The following SMOC2 variants were observed in gnomAD, a reference collection of about 807,000 sequenced individuals.
The protein encoded by SMOC2 is SPARC-related modular calcium-binding protein 2.
Under a neutral mutation model 61.4 loss-of-function variants are expected in SMOC2, and 39 were observed. That is an observed-to-expected ratio of 0.64 (90% confidence interval 0.49 to 0.83). SMOC2 has a LOEUF of 0.83. SMOC2 is among the 40% of genes least tolerant of loss of function. SMOC2 has a pLI of 0.00. For missense variants in SMOC2, 556 were observed against 592.9 expected (o/e 0.94, Z 0.65); for synonymous variants, 247 against 239.9 (o/e 1.03, Z -0.27).
intron 9 of SMOC2, among the ~76,000 whole-genome samples, chr6:168,625,229 G>A (rs1786372061): frequency 6.6e-6 from 1 of 152,238 alleles, no homozygotes; most frequent in Non-Finnish European, 1.5e-5. Flanking sequence ...ATCTGCTCAG[G>A]CACTGGAGAT....
Position 168,527,698 on chromosome 6 carries a change from C to A in SMOC2, c.434C>A (p.Ala145Asp). The change falls in exon 4 of 13, where the codon GCC (alanine) becomes GAC (aspartate). Residue 145 changes from alanine to aspartate, a missense_variant. Coordinates refer to ENST00000356284, the MANE Select transcript of SMOC2 (RefSeq NM_001166412.2). ...AACGGGAGGCCCATCAGCGGCACTG[C>A]CGTGGCCCACAAGACGCCCCGGTGC... ...TPNGRPISGT[A>D]VAHKTPRCPG... The A allele has an allele frequency of 6.4e-7, 1 of 1,551,904 alleles. No homozygotes were observed. Among genetic ancestry groups the A allele is most frequent in the South Asian group, 1.2e-5 (1 of 84,132 alleles).
intron 1 of SMOC2, among the ~76,000 whole-genome samples, chr6:168,478,807 C>T (rs1324817166): frequency 2.6e-5 from 4 of 151,760 alleles, no homozygotes; most frequent in Admixed American, 1.3e-4. Context: ...GAGTCAGGAA[C>T]GTTGAATGAT....
intron 1 of SMOC2, among the ~76,000 whole-genome samples, chr6:168,445,114 C>T (rs1407594051): frequency 6.6e-6 from 1 of 152,206 alleles, no homozygotes; most frequent in Non-Finnish European, 1.5e-5. Context: ...TTTTGAGAGA[C>T]TCTGAAGGGC....
intron 11 of SMOC2, among the ~76,000 whole-genome samples, chr6:168,662,226 T>G (rs999047800): frequency 1.3e-5 from 2 of 152,208 alleles, no homozygotes; most frequent in Non-Finnish European, 2.9e-5. Flanking sequence ...GTGTGTCTCT[T>G]TAAGGCTTAT....
intron 1 of SMOC2, among the ~76,000 whole-genome samples, chr6:168,447,600 G>T (rs57941640): frequency 4.6e-5 from 7 of 152,124 alleles, no homozygotes; most frequent in Non-Finnish European, 7.4e-5. Flanking sequence ...TTTTTGGGGG[G>T]AAAGGGGTAG....
chr6:168,550,392 C>T (rs533333822), intron 7 of SMOC2, among the ~76,000 whole-genome samples: 1 of 152,282 alleles, frequency 6.6e-6, no homozygotes, highest in Non-Finnish European at 1.5e-5. Flanking sequence ...GTTCGATTCC[C>T]CCTTCACCCA....
intron 1 of SMOC2, among the ~76,000 whole-genome samples, chr6:168,457,352 C>T (rs1285434766): frequency 1.3e-5 from 2 of 152,198 alleles, no homozygotes; most frequent in Non-Finnish European, 2.9e-5. Context: ...GCCACCCATC[C>T]AACCCCACCT....
chr6:168,451,599 GTCTCTCTCTC>G (rs59096709), intron 1 of SMOC2, among the ~76,000 whole-genome samples: 30 of 145,624 alleles, frequency 2.1e-4, no homozygotes, highest in African/African-American at 4.6e-4. Context: ...CTCTGTCTCT[GTCTCTCTCTC>G]TCTCTCTCTC....
chr6:168,555,949 C>A (rs1403044148), intron 7 of SMOC2, among the ~76,000 whole-genome samples: 2 of 152,184 alleles, frequency 1.3e-5, no homozygotes, highest in Non-Finnish European at 2.9e-5. Context: ...CCAGACACCG[C>A]TGGGGGCACT....
intron 1 of SMOC2, among the ~76,000 whole-genome samples, chr6:168,502,736 T>TTTTAA (rs59846215): frequency 0.041 from 6,172 of 149,318 alleles, 178 homozygotes; most frequent in Non-Finnish European, 0.054. Context: ...TTTTATTTTA[T>TTTTAA]TTTAATTTAA....
intron 11 of SMOC2, among the ~76,000 whole-genome samples, chr6:168,659,524 G>GT (rs1383828404): frequency 2.6e-4 from 39 of 148,064 alleles, no homozygotes; most frequent in East Asian, 4.1e-4. Flanking sequence ...GTTGTAGGTT[G>GT]GGTGAGGATG....
intron 7 of SMOC2, among the ~76,000 whole-genome samples, chr6:168,587,443 C>T (rs1785070139): frequency 6.6e-6 from 1 of 152,196 alleles, no homozygotes; most frequent in Admixed American, 6.5e-5. Context: ...ATGTGTGAGA[C>T]ATCAATCAGT....
At chr6:168,460,398 C>T (rs1195548500) in intron 1 of SMOC2, among the ~76,000 whole-genome samples, 1 of 152,204 alleles carries the variant, frequency 6.6e-6, no homozygotes, top group African/African-American at 2.4e-5. Context: ...CAAGACTTTC[C>T]TCACATGACT....
chr6:168,479,094 A>G (rs1432760868), intron 1 of SMOC2, among the ~76,000 whole-genome samples: 1 of 149,060 alleles, frequency 6.7e-6, no homozygotes, highest in Non-Finnish European at 1.5e-5. Flanking sequence ...GTCTCGGGAA[A>G]AGGAGTCAGG....
At chr6:168,457,119 C>T (rs557763105) in intron 1 of SMOC2, among the ~76,000 whole-genome samples, 8 of 152,218 alleles carry the variant, frequency 5.3e-5, no homozygotes, top group African/African-American at 9.7e-5. Context: ...AGGCACAGCG[C>T]GGCCGCCACG....
At chr6:168,575,584 G>C (rs561939768) in intron 7 of SMOC2, among the ~76,000 whole-genome samples, 75 of 152,278 alleles carry the variant, frequency 4.9e-4, no homozygotes, top group Admixed American at 3.5e-3. Flanking sequence ...AAGTTTGAAG[G>C]CGGAGCCATG....
chr6:168,641,972 AAGT>A (rs1218399239), intron 9 of SMOC2, among the ~76,000 whole-genome samples: 1 of 152,220 alleles, frequency 6.6e-6, no homozygotes, highest in African/African-American at 2.4e-5. Context: ...AAATATAGAA[AAGT>A]AGAGTTAATG....
Position 168,549,292 on chromosome 6 carries a change from A to G in SMOC2, c.637+89A>G, listed in dbSNP as rs998140784. 4.8e-5 allele frequency: 60 copies of G among 1,254,526 alleles called. No homozygotes were observed. In the Admixed American group the frequency reaches 8.6e-4, roughly 18 times the overall value. 77.7% of individuals were successfully genotyped at this position (1,254,526 alleles called of 1,614,324 possible). On this transcript the variant is annotated intron_variant, in intron 7 of 12. Coordinates refer to ENST00000356284, the MANE Select transcript of SMOC2 (RefSeq NM_001166412.2). ...TTTTTTTTGGAGTTAAGTGTATTGT[A>G]CAGTTGACCCTTGAACAACATGGGG...
Position 168,610,229 on chromosome 6 carries a change from T to C in SMOC2, c.907+1990T>C, listed in dbSNP as rs553030048. ...CAGGAGGAGAAGGATGGTTAGATGC[T>C]CACAATGAAGACGGCGTTTCCTTGC... On this transcript the variant is annotated intron_variant, in intron 9 of 12. Transcript: ENST00000356284. Among the ~76,000 whole-genome samples the C allele has an allele frequency of 5.9e-5, 9 of 152,268 alleles. No individual in the cohort carries two copies. In the South Asian group the frequency reaches 6.2e-4, roughly 11 times the overall value.
Sources: gnomAD v4.1 joint callset for allele counts (sites outside exome capture counted in the v4.1 genomes callset) on GRCh38, gnomAD v4.1.1 for gene constraint, MANE v1.5 for transcripts, NCBI Gene and HGNC (gene_info 2026-07-23, HGNC 2026-07-21) for gene names.